STXBP5L: variants seen among roughly 807,000 people sequenced by gnomAD.
STXBP5L encodes syntaxin-binding protein 5-like.
STXBP5L carries 65 observed loss-of-function variants against 144.5 expected under a neutral mutation model. The observed-to-expected ratio is 0.45, with a 90% CI of 0.37 to 0.55. The LOEUF (loss-of-function observed/expected upper bound fraction) is 0.55, where lower values mean the gene tolerates loss of function less well. Among genes scored for constraint, STXBP5L ranks in the 20% least tolerant of loss-of-function variants. The pLI, the probability that STXBP5L is intolerant of heterozygous loss-of-function variation, is 0.00. For missense variants in STXBP5L, 1,298 were observed against 1,405.5 expected (o/e 0.92, Z 1.22); for synonymous variants, 505 against 469.6 (o/e 1.08, Z -0.97).
chr3:121,332,253 T>A (rs980481214), intron 20 of STXBP5L, among the ~76,000 whole-genome samples: 1 of 151,824 alleles, frequency 6.6e-6, no homozygotes, highest in African/African-American at 2.4e-5. Flanking sequence ...CAAACCAAGA[T>A]GAAATCTTTA....
intron 3 of STXBP5L, among the ~76,000 whole-genome samples, chr3:121,009,836 T>C (rs1241118428): frequency 1.3e-5 from 2 of 151,886 alleles, no homozygotes; most frequent in Admixed American, 6.6e-5. Flanking sequence ...TAGTAGCATG[T>C]CAGGAATTTC....
At position 121,257,303 on chromosome 3, in the gene STXBP5L, G is replaced by A. The variant is rs772558221; in HGVS notation, c.1802G>A (p.Gly601Glu). 1.2e-6 allele frequency: 2 copies of A among 1,613,146 alleles called. No homozygotes were observed. The highest frequency in any genetic ancestry group is 2.2e-5 in the East Asian group (1 of 44,848). Residue 601 changes from glycine to glutamate, a missense_variant, in exon 17 of 27, where the codon GGA becomes GAA. Transcript: ENST00000471454. ...SGSTNTVASE[G>E]VTKDSIPCLN... ...AGCACTAACACTGTTGCTAGTGAAG[G>A]AGTAACAAAGGACAGTATTCCATGC...
At position 121,086,753 on chromosome 3, in the gene STXBP5L, G is replaced by C. The variant is rs182711325; in HGVS notation, c.471-28172G>C. ...GTCATGTTAATGCTTAAAAAGTTTT[G>C]GATTTTTAAGCACTCTGGATTTTGG... On this transcript the variant is annotated intron_variant, in intron 5 of 26. Transcript: ENST00000471454. Among the ~76,000 whole-genome samples, 193 of 152,048 alleles carry C rather than the reference G, an allele frequency of 1.3e-3. 1 individual carries two copies. Among genetic ancestry groups the C allele is most frequent in the Middle Eastern group, 0.01 (3 of 294 alleles).
chr3:121,315,444 A>G (rs1361303185), intron 19 of STXBP5L, among the ~76,000 whole-genome samples: 1 of 133,908 alleles, frequency 7.5e-6, no homozygotes, highest in East Asian at 2.6e-4. Flanking sequence ...ATGAGAACAC[A>G]TGGACACAGG....
intron 3 of STXBP5L, among the ~76,000 whole-genome samples, chr3:121,011,267 G>T (rs145781689): frequency 1.3e-5 from 2 of 150,794 alleles, no homozygotes; most frequent in Non-Finnish European, 3.0e-5. Context: ...TAAAATCCCC[G>T]TCCCCTTATT....
At chr3:121,265,741 GA>G (rs577906292) in intron 18 of STXBP5L, among the ~76,000 whole-genome samples, 107 of 151,974 alleles carry the variant, frequency 7.0e-4, no homozygotes, top group African/African-American at 2.5e-3. Context: ...GAATAAAGAA[GA>G]AAAGATAGAA....
intron 3 of STXBP5L, among the ~76,000 whole-genome samples, chr3:120,984,012 C>A (rs979383745): frequency 6.6e-6 from 1 of 152,184 alleles, no homozygotes; most frequent in African/African-American, 2.4e-5. Context: ...GAGTTTCACA[C>A]GTCAGTTGCT....
intron 3 of STXBP5L, among the ~76,000 whole-genome samples, chr3:120,983,269 G>T (rs1393279409): frequency 2.6e-5 from 4 of 152,132 alleles, no homozygotes; most frequent in African/African-American, 9.7e-5. Context: ...TGGGGGCAGG[G>T]TGGCAGCACT....
At chr3:121,126,101 T>G (rs2044691935) in intron 7 of STXBP5L, among the ~76,000 whole-genome samples, 3 of 152,160 alleles carry the variant, frequency 2.0e-5, no homozygotes, top group African/African-American at 7.2e-5. Flanking sequence ...CACTCCTCCC[T>G]TAAACACTAG....
In STXBP5L at chr3:121,418,704, T is replaced by C. The variant is rs2047296394; in HGVS notation, c.3447+147T>C. 3 of 828,856 alleles carry C rather than the reference T, an allele frequency of 3.6e-6. No individual in the cohort carries two copies. In the South Asian group the frequency reaches 5.8e-5, roughly 16 times the overall value. 51.3% of individuals were successfully genotyped at this position (828,856 alleles called of 1,614,324 possible). A position where few individuals can be genotyped will look rare whatever the true frequency, so the allele number is the denominator to read the frequency against. On this transcript the variant is annotated intron_variant, in intron 26 of 26. Coordinates refer to ENST00000471454, the MANE Select transcript of STXBP5L (RefSeq NM_001308330.2). ...CTAGATCTCTTCTAAGTATTATAAT[T>C]CTCCCAGTGCTTGGGAGATAAAAGG...
At chr3:121,161,453 A>C (rs1421116563) in intron 9 of STXBP5L, among the ~76,000 whole-genome samples, 1 of 151,676 alleles carries the variant, frequency 6.6e-6, no homozygotes, top group Non-Finnish European at 1.5e-5. Context: ...ATTGCTTTCA[A>C]AATTTTGCGG....
chr3:121,032,874 A>G (rs1396920914), intron 3 of STXBP5L, among the ~76,000 whole-genome samples: 1 of 57,626 alleles, frequency 1.7e-5, no homozygotes. Context: ...ACTATGAGAT[A>G]TCATCTCACA....
intron 7 of STXBP5L, among the ~76,000 whole-genome samples, chr3:121,137,211 G>T (rs546109024): frequency 6.6e-6 from 1 of 151,854 alleles, no homozygotes; most frequent in South Asian, 2.1e-4. Context: ...ACCTGCACAC[G>T]TACCCCTTAA....
intron 5 of STXBP5L, among the ~76,000 whole-genome samples, chr3:121,049,314 AG>A (rs1425952347): frequency 6.6e-6 from 1 of 152,118 alleles, no homozygotes; most frequent in African/African-American, 2.4e-5. Flanking sequence ...GCTCTGTCCC[AG>A]GGAAGTGGAG....
chr3:121,090,565 G>C (rs2042728615), intron 5 of STXBP5L, among the ~76,000 whole-genome samples: 1 of 152,146 alleles, frequency 6.6e-6, no homozygotes, highest in South Asian at 2.1e-4. Flanking sequence ...CTGTGGAACA[G>C]AAAGGGAATG....
intron 20 of STXBP5L, among the ~76,000 whole-genome samples, chr3:121,324,174 A>G (rs2044069568): frequency 1.3e-5 from 2 of 152,160 alleles, no homozygotes; most frequent in African/African-American, 4.8e-5. Flanking sequence ...CATAGAGGTT[A>G]GTCACAAAAT....
intron 5 of STXBP5L, among the ~76,000 whole-genome samples, chr3:121,107,853 G>GT (rs1051163788): frequency 1.2e-4 from 19 of 152,122 alleles, no homozygotes; most frequent in Non-Finnish European, 2.8e-4. Flanking sequence ...GGCATGGAAT[G>GT]TTTTTTCCAT....
chr3:121,254,244 G>T (rs2050134193), intron 15 of STXBP5L, among the ~76,000 whole-genome samples: 1 of 151,996 alleles, frequency 6.6e-6, no homozygotes, highest in Non-Finnish European at 1.5e-5. Flanking sequence ...TATCATCATG[G>T]TCTCCAATGG....
chr3:121,184,068 A>T (rs1224378965), intron 9 of STXBP5L, among the ~76,000 whole-genome samples: 1 of 152,114 alleles, frequency 6.6e-6, no homozygotes, highest in Non-Finnish European at 1.5e-5. Flanking sequence ...GGTCACCAAC[A>T]TCAAGGACCA....
Sources: gnomAD v4.1 joint callset for allele counts (sites outside exome capture counted in the v4.1 genomes callset) on GRCh38, gnomAD v4.1.1 for gene constraint, MANE v1.5 for transcripts, NCBI Gene and HGNC (gene_info 2026-07-23, HGNC 2026-07-21) for gene names.